Variants in MARCHF1 observed in about 807,000 individuals in gnomAD.
MARCHF1 encodes the protein membrane associated ring-CH-type finger 1.
In MARCHF1, 40 loss-of-function variants were observed where a neutral mutation model predicts 54.2. That is an observed-to-expected ratio of 0.74 (90% CI 0.57 to 0.96). The LOEUF (loss-of-function observed/expected upper bound fraction) is 0.96, where lower values mean the gene tolerates loss of function less well. Ranked by LOEUF, MARCHF1 falls within the 40% of genes least tolerant of loss-of-function variation. MARCHF1 has a pLI of 0.00. For synonymous variants in MARCHF1, 236 were observed against 236.3 expected (o/e 1.00, Z 0.01); for missense variants, 586 against 656.5 (o/e 0.89, Z 1.17).
At chr4:164,254,653 G>A (rs1309712984) in intron 1 of MARCHF1, among the ~76,000 whole-genome samples, 1 of 152,178 alleles carries the variant, frequency 6.6e-6, no homozygotes, top group East Asian at 1.9e-4. Flanking sequence ...GGAGCAAGGA[G>A]AGCCAGTCCA....
intron 1 of MARCHF1, among the ~76,000 whole-genome samples, chr4:164,199,827 T>C (rs1167996579): frequency 2.0e-5 from 3 of 152,188 alleles, no homozygotes; most frequent in East Asian, 1.9e-4. Context: ...CTTCCCAATA[T>C]CTTATCATGA....
intron 4 of MARCHF1, among the ~76,000 whole-genome samples, chr4:163,765,871 T>C (rs1746961250): frequency 6.8e-6 from 1 of 147,790 alleles, no homozygotes; most frequent in African/African-American, 2.5e-5. Flanking sequence ...TACACACATA[T>C]ATATAATATA....
chr4:164,307,251 G>GA (rs1734720193), intron 1 of MARCHF1, among the ~76,000 whole-genome samples: 1 of 152,102 alleles, frequency 6.6e-6, no homozygotes, highest in African/African-American at 2.4e-5. Flanking sequence ...AAGGAATTTG[G>GA]AAAACCTCAG....
At chr4:164,295,979 G>A (rs556025789) in intron 1 of MARCHF1, among the ~76,000 whole-genome samples, 7 of 152,104 alleles carry the variant, frequency 4.6e-5, no homozygotes, top group South Asian at 4.2e-4. Context: ...ACACACACAC[G>A]CAAACCATCA....
At chr4:163,932,791 C>A in intron 3 of MARCHF1, 1 of 598,832 alleles carries the variant, frequency 1.7e-6, no homozygotes. Context: ...GAGCTGAGAT[C>A]GATCGGCACC....
chr4:163,950,130 C>T (rs1000060938), intron 3 of MARCHF1, among the ~76,000 whole-genome samples: 2 of 152,172 alleles, frequency 1.3e-5, no homozygotes, highest in East Asian at 1.9e-4. Context: ...GTTTCACTGG[C>T]GACCCACCCC....
At chr4:164,144,316 G>T (rs1057255702) in intron 1 of MARCHF1, among the ~76,000 whole-genome samples, 5 of 151,018 alleles carry the variant, frequency 3.3e-5, no homozygotes, top group Admixed American at 6.6e-5. Flanking sequence ...CTGCACCAAG[G>T]GGACCTAATA....
intron 4 of MARCHF1, among the ~76,000 whole-genome samples, chr4:163,759,249 C>T (rs929637716): frequency 6.6e-6 from 1 of 151,754 alleles, no homozygotes; most frequent in Non-Finnish European, 1.5e-5. Context: ...AGCCATGTGA[C>T]TCTTTTGGAA....
intron 2 of MARCHF1, among the ~76,000 whole-genome samples, chr4:164,082,355 G>A (rs1013439699): frequency 1.3e-5 from 2 of 152,130 alleles, no homozygotes; most frequent in African/African-American, 4.8e-5. Context: ...TCAATTTACA[G>A]GCCCCATTAT....
chr4:164,238,733 A>T lies in MARCHF1; in HGVS notation c.-322-127071T>A, dbSNP rs532875180. 4.6e-5 allele frequency among the ~76,000 whole-genome samples: 7 copies of T among 152,158 alleles called. No individual in the cohort carries two copies. The East Asian group carries it at 1.3e-3, about 29-fold the overall frequency. ...TTTAATGAATAGTATTTATAAATAT[A>T]TGAAACAAAACCCTAATTAACCAAA... On this transcript the variant is annotated intron_variant, in intron 1 of 9. Coordinates refer to ENST00000514618, the MANE Select transcript of MARCHF1 (RefSeq NM_001394959.1).
intron 5 of MARCHF1, among the ~76,000 whole-genome samples, chr4:163,676,791 C>T (rs1561013037): frequency 6.6e-6 from 1 of 151,092 alleles, no homozygotes; most frequent in East Asian, 1.9e-4. Flanking sequence ...TCAACTAGGT[C>T]TATTAAAGGA....
At chr4:164,107,004 T>C (rs1213452666) in intron 2 of MARCHF1, among the ~76,000 whole-genome samples, 1 of 152,184 alleles carries the variant, frequency 6.6e-6, no homozygotes, top group Non-Finnish European at 1.5e-5. Flanking sequence ...TACAGGCTAT[T>C]ATGTTGTTTA....
At chr4:163,533,672 T>TTA (rs1553989549) in intron 9 of MARCHF1, among the ~76,000 whole-genome samples, 5 of 114,328 alleles carry the variant, frequency 4.4e-5, no homozygotes, top group African/African-American at 1.1e-4. Flanking sequence ...AAATAGTCTT[T>TTA]TATATATAAT....
At chr4:164,118,956 T>C (rs1341194233) in intron 1 of MARCHF1, among the ~76,000 whole-genome samples, 2 of 82,228 alleles carry the variant, frequency 2.4e-5, no homozygotes, top group Admixed American at 1.1e-4. Flanking sequence ...GAAAAAAATA[T>C]AATACGGGAC....
At chr4:164,370,805 G>A (rs1288456164) in intron 1 of MARCHF1, among the ~76,000 whole-genome samples, 1 of 152,134 alleles carries the variant, frequency 6.6e-6, no homozygotes, top group Admixed American at 6.5e-5. Context: ...CTACTTGGGA[G>A]GCTGAGACAG....
At chr4:163,987,161 C>A (rs1752885385) in intron 3 of MARCHF1, among the ~76,000 whole-genome samples, 1 of 152,168 alleles carries the variant, frequency 6.6e-6, no homozygotes, top group South Asian at 2.1e-4. Context: ...ATCGCATTTC[C>A]AAGTCAAAGG....
intron 4 of MARCHF1, among the ~76,000 whole-genome samples, chr4:163,802,651 T>C (rs900532558): frequency 6.6e-6 from 1 of 152,186 alleles, no homozygotes; most frequent in Admixed American, 6.5e-5. Context: ...ATTAGACATA[T>C]TCGATTCTTG....
intron 1 of MARCHF1, among the ~76,000 whole-genome samples, chr4:164,318,086 GCTC>G (rs1458813115): frequency 3.9e-5 from 6 of 152,014 alleles, no homozygotes; most frequent in African/African-American, 1.2e-4. Flanking sequence ...TCTACCTCAG[GCTC>G]CTCATCTATA....
At chr4:163,920,826 T>A (rs931927025) in intron 3 of MARCHF1, among the ~76,000 whole-genome samples, 8 of 151,622 alleles carry the variant, frequency 5.3e-5, no homozygotes, top group African/African-American at 1.9e-4. Flanking sequence ...AATAACTATG[T>A]CTCTATGTTT....
Sources: allele counts gnomAD v4.1 joint callset (sites outside exome capture counted in the v4.1 genomes callset), GRCh38; gene constraint gnomAD v4.1.1; transcripts MANE v1.5; gene names NCBI Gene and HGNC (gene_info 2026-07-23, HGNC 2026-07-21).